ZCCHC2: variants seen among roughly 807,000 people sequenced by gnomAD.
The protein encoded by ZCCHC2 is zinc finger CCHC-type containing 2, also known as zinc finger CCHC domain-containing protein 2.
Under a neutral mutation model 103.6 loss-of-function variants are expected in ZCCHC2, and 39 were observed. The ratio of observed to expected loss-of-function variants is 0.38; its 90% CI spans 0.29 to 0.49. The LOEUF is 0.49. ZCCHC2 is among the 20% of genes least tolerant of loss of function. The pLI, the probability that ZCCHC2 is intolerant of heterozygous loss-of-function variation, is 0.96. For missense variants in ZCCHC2, 1,483 were observed against 1,491.0 expected (o/e 0.99, Z 0.09); for synonymous variants, 687 against 608.9 (o/e 1.13, Z -1.89).
chr18:62,575,459 G>A lies in ZCCHC2; in HGVS notation c.3378G>A (p.Lys1126=). 2 of 1,614,016 alleles carry A rather than the reference G, an allele frequency of 1.2e-6. No individual in the cohort carries two copies. The highest frequency in any genetic ancestry group is 1.7e-6 in the Non-Finnish European group (2 of 1,179,894). The change falls in exon 13 of 14, where the codon AAG becomes AAA. Residue 1126 remains lysine, a synonymous_variant. Transcript: ENST00000269499. The part of the protein sequence containing the change: ...VVANTSGSGP[K]KNGNVSCYNC... ...CCAACACCAGTGGTTCGGGGCCCAAGAAGAATGGGAATGTCTCATGTTACA... is the reference window on the plus strand; with the variant it reads ...CCAACACCAGTGGTTCGGGGCCCAAAAAGAATGGGAATGTCTCATGTTACA...
At chr18:62,556,352 C>T in intron 6 of ZCCHC2, 55 bp downstream of exon 6, 1 of 1,344,992 alleles carries the variant, frequency 7.4e-7, no homozygotes, top group Non-Finnish European at 1.0e-6. Flanking sequence ...GATTTTATTG[C>T]TTTACTGTGT....
intron 11 of ZCCHC2, among the ~76,000 whole-genome samples, chr18:62,566,752 C>A (rs1181592675): frequency 6.6e-6 from 1 of 152,184 alleles, no homozygotes; most frequent in Non-Finnish European, 1.5e-5. Context: ...AAGCATGTGA[C>A]CTCTCTGATG....
rs375113390 is a variant in ZCCHC2 at position 62,544,772 on chromosome 18, C to T, written c.1129-30C>T. 52 of 1,517,316 alleles carry T rather than the reference C, an allele frequency of 3.4e-5. No individual in the cohort carries two copies. The South Asian group carries it at 6.2e-4, about 18-fold the overall frequency. The allele number at this position is 1,517,316 out of a possible 1,614,324, so 94.0% of individuals were successfully genotyped here. The stretch of plus-strand genomic sequence containing the variant: ...AGCCGGTTCCTGCCTAGGGAATAAC[C>T]ATATAATATGTGTGTTTTTTTTAAA... On this transcript the variant is annotated intron_variant, in intron 3 of 13. Transcript: ENST00000269499.
At chr18:62,546,227 C>G (rs1467411969) in intron 4 of ZCCHC2, among the ~76,000 whole-genome samples, 1 of 152,146 alleles carries the variant, frequency 6.6e-6, no homozygotes, top group Non-Finnish European at 1.5e-5. Context: ...TGTGCTCAGT[C>G]ATGGTAACAG....
Position 62,575,099 on chromosome 18 carries a change from G to T in ZCCHC2, c.3018G>T (p.Gln1006His), listed in dbSNP as rs1916774996. The stretch of plus-strand genomic sequence containing the variant: ...ATGGGACAGTAGTGCCACCGCAGCA[G>T]ATGGGCTCAGGTCCTTGTGGTTCTT... ...NANGTVVPPQ[Q>H]MGSGPCGSCG... is the part of the protein sequence containing the mutation. Residue 1006 changes from glutamine (Q) to histidine (H), a missense_variant, in exon 13 of 14, where the codon CAG becomes CAT. Gln to His is a conservative substitution (Grantham distance 24). Transcript: ENST00000269499. 1.9e-6 allele frequency: 3 copies of T among 1,613,916 alleles called. No homozygotes were observed. Among genetic ancestry groups the T allele is most frequent in the Non-Finnish European group, 2.5e-6 (3 of 1,179,894 alleles).
At chr18:62,576,449 C>T (rs542683131) in intron 13 of ZCCHC2, 63 bp from the exon 14 acceptor site, 13 of 1,419,694 alleles carry the variant, frequency 9.2e-6, no homozygotes, top group Admixed American at 5.2e-5. Context: ...ATAGCTTGTA[C>T]GTAGTGGTTT....
chr18:62,524,006 G>C lies in ZCCHC2; in HGVS notation c.582G>C (p.Leu194=), dbSNP rs1484968079. The C allele has an allele frequency of 4.0e-6, 6 of 1,484,490 alleles. 1 individual carries two copies. In the South Asian group the frequency reaches 6.6e-5, roughly 16 times the overall value. The allele number at this position is 1,484,490 out of a possible 1,614,324, so 92.0% of individuals were successfully genotyped here. Reference sequence around the variant, plus strand: ...AGGCCGCTGGCCGTCTGCACCGCCTGCTACCCCAGGTGGACTCGGTGCTCA... The same window carrying C: ...AGGCCGCTGGCCGTCTGCACCGCCTCCTACCCCAGGTGGACTCGGTGCTCA... ...NREAAGRLHR[L]LPQVDSVLKS... is the part of the protein sequence containing the mutation. Residue 194 remains leucine (L), a synonymous_variant, in exon 1 of 14, where the codon CTG becomes CTC. Coordinates refer to ENST00000269499, the MANE Select transcript of ZCCHC2 (RefSeq NM_017742.6).
chr18:62,523,296 C>T lies in ZCCHC2; in HGVS notation c.-129C>T, dbSNP rs965824158. ...CTCGCCGGCCGAGACCCGCCCCCGG[C>T]CCCGGCCCTCCCCCGGCGGCATGGA... is the stretch of plus-strand genomic sequence containing the variant. On this transcript the variant is annotated 5_prime_UTR_variant, in exon 1 of 14. Transcript: ENST00000269499. The T allele has an allele frequency of 2.8e-5, 24 of 859,230 alleles. No individual in the cohort carries two copies. The East Asian group carries it at 2.6e-3, about 92-fold the overall frequency. The allele number at this position is 859,230 out of a possible 1,614,324, so 53.2% of individuals were successfully genotyped here.
At chr18:62,582,431 A>G (rs1030224593), downstream of ZCCHC2, among the ~76,000 whole-genome samples, 4 of 152,160 alleles carry the variant, frequency 2.6e-5, no homozygotes, top group Admixed American at 2.0e-4. Context: ...TAATCACAAC[A>G]CTTTGGGAGG....
At chr18:62,535,255 T>C (rs1478957756) in intron 1 of ZCCHC2, among the ~76,000 whole-genome samples, 4 of 152,224 alleles carry the variant, frequency 2.6e-5, no homozygotes. Context: ...CTTAAAGATG[T>C]GGGGGCTGCT....
In ZCCHC2 at chr18:62,523,561, C is replaced by T; in HGVS notation, c.137C>T (p.Pro46Leu). 1.0e-6 allele frequency: 1 copy of T among 957,820 alleles called. No individual in the cohort carries two copies. Among genetic ancestry groups the T allele is most frequent in the Non-Finnish European group, 1.2e-6 (1 of 808,728 alleles). The allele number at this position is 957,820 out of a possible 1,614,324, so 59.3% of individuals were successfully genotyped here. Residue 46 changes from proline (P) to leucine (L), a missense_variant, in exon 1 of 14, where the codon CCG becomes CTG. Coordinates refer to ENST00000269499, the MANE Select transcript of ZCCHC2 (RefSeq NM_017742.6). The part of the protein sequence containing the change: ...RRRRDCRPPP[P>L]PPPPAGPSRG... ...CGCCGCGACTGCCGCCCCCCGCCGC[C>T]GCCGCCGCCGCCCGCGGGCCCGTCG...
chr18:62,580,253 A>G (rs577958199), downstream of ZCCHC2, among the ~76,000 whole-genome samples: 1 of 151,980 alleles, frequency 6.6e-6, no homozygotes, highest in South Asian at 2.1e-4. Flanking sequence ...TAATTTCTCC[A>G]TTCTGTCAAT....
At chr18:62,546,649 A>G (rs1915424420) in intron 4 of ZCCHC2, among the ~76,000 whole-genome samples, 1 of 152,174 alleles carries the variant, frequency 6.6e-6, no homozygotes, top group Non-Finnish European at 1.5e-5. Flanking sequence ...CCTCATGCTG[A>G]GAGAGCATGC....
At chr18:62,539,846 G>T in intron 2 of ZCCHC2, 54 bp downstream of exon 2, 1 of 1,409,946 alleles carries the variant, frequency 7.1e-7, no homozygotes, top group Non-Finnish European at 9.8e-7. Flanking sequence ...AGATTACAGG[G>T]TGCTCTTTAC....
intron 8 of ZCCHC2, among the ~76,000 whole-genome samples, chr18:62,562,331 T>G (rs1207779408): frequency 6.6e-6 from 1 of 152,118 alleles, no homozygotes; most frequent in Non-Finnish European, 1.5e-5. Context: ...TTTTTTGTTT[T>G]TCACATTTTT....
chr18:62,530,933 T>C (rs1282304851), intron 1 of ZCCHC2, among the ~76,000 whole-genome samples: 3 of 152,256 alleles, frequency 2.0e-5, no homozygotes, highest in Non-Finnish European at 4.4e-5. Context: ...CATGATTCTT[T>C]GTTAGTTCAG....
chr18:62,524,383 C>T lies in ZCCHC2; in HGVS notation c.939+20C>T. 3 of 1,458,140 alleles carry T rather than the reference C, an allele frequency of 2.1e-6. No homozygotes were observed. The highest frequency in any genetic ancestry group is 2.7e-6 in the Non-Finnish European group (3 of 1,110,210). The allele number at this position is 1,458,140 out of a possible 1,614,324, so 90.3% of individuals were successfully genotyped here. A position where few individuals can be genotyped will look rare whatever the true frequency, so the allele number is the denominator to read the frequency against. On this transcript the variant is annotated intron_variant, in intron 1 of 13. Transcript: ENST00000269499. ...GCCCAGGTAAGGCGCACGGAGCCTC[C>T]CTGGACTCGCGGTGCGATCGCTGCC...
intron 1 of ZCCHC2, among the ~76,000 whole-genome samples, chr18:62,537,814 T>C (rs1302666802): frequency 6.6e-6 from 1 of 152,230 alleles, no homozygotes; most frequent in Non-Finnish European, 1.5e-5. Context: ...TGCTGGGTCA[T>C]AAAATAATTC....
chr18:62,545,405 C>T (rs1568544843), intron 4 of ZCCHC2, among the ~76,000 whole-genome samples: 1 of 151,948 alleles, frequency 6.6e-6, no homozygotes, highest in Non-Finnish European at 1.5e-5. Context: ...AAATAGTTCT[C>T]CATTTCTTCC....
Sources: gnomAD v4.1 joint callset for allele counts (sites outside exome capture counted in the v4.1 genomes callset) on GRCh38, gnomAD v4.1.1 for gene constraint, MANE v1.5 for transcripts, NCBI Gene and HGNC (gene_info 2026-07-23, HGNC 2026-07-21) for gene names.